Variants in ADGRB3 observed in about 807,000 individuals in gnomAD.
ADGRB3 encodes adhesion G protein-coupled receptor B3, also known as brain-specific angiogenesis inhibitor 3.
ADGRB3 carries 37 observed loss-of-function variants against 193.4 expected under a neutral mutation model. The ratio of observed to expected loss-of-function variants is 0.19; its 90% confidence interval spans 0.15 to 0.25. The LOEUF is 0.25. Among genes scored for constraint, ADGRB3 ranks in the 10% least tolerant of loss-of-function variants. The pLI is 1.00. For synonymous variants in ADGRB3, 690 were observed against 644.2 expected, an observed-to-expected ratio of 1.07 and a Z score of -1.08; for missense variants, 1,637 against 1,852.9, an observed-to-expected ratio of 0.88 and a Z score of 2.14.
At chr6:68,933,102 TATA>T (rs1767388234) in intron 4 of ADGRB3, among the ~76,000 whole-genome samples, 1 of 150,634 alleles carries the variant, frequency 6.6e-6, no homozygotes. Context: ...AATGATATCA[TATA>T]ATATATATAT....
At chr6:68,919,351 C>A (rs1014766464) in intron 3 of ADGRB3, among the ~76,000 whole-genome samples, 1 of 152,136 alleles carries the variant, frequency 6.6e-6, no homozygotes, top group Non-Finnish European at 1.5e-5. Context: ...AAATGTACAG[C>A]AAGGAGTAGG....
At chr6:68,767,492 C>A (rs1054212978) in intron 3 of ADGRB3, among the ~76,000 whole-genome samples, 1 of 152,100 alleles carries the variant, frequency 6.6e-6, no homozygotes, top group Non-Finnish European at 1.5e-5. Context: ...ATTCAACACC[C>A]CTTCATGCTA....
At chr6:69,236,215 T>C (rs1470184036) in intron 19 of ADGRB3, among the ~76,000 whole-genome samples, 1 of 152,040 alleles carries the variant, frequency 6.6e-6, no homozygotes, top group Non-Finnish European at 1.5e-5. Flanking sequence ...AATTGTCACA[T>C]ATTTAAATTG....
At chr6:68,975,010 G>T (rs1394145478) in intron 9 of ADGRB3, 146 bp downstream of exon 9, 1 of 755,444 alleles carries the variant, frequency 1.3e-6, no homozygotes, top group Non-Finnish European at 2.1e-6. Flanking sequence ...TTAGTAAAGT[G>T]CTTCATAAAT....
chr6:68,657,562 T>C (rs1768520674), intron 3 of ADGRB3, among the ~76,000 whole-genome samples: 1 of 151,380 alleles, frequency 6.6e-6, no homozygotes, highest in Admixed American at 6.6e-5. Context: ...AGAGGACAAA[T>C]GTGATCAAGC....
At chr6:68,778,260 T>C (rs887645979) in intron 3 of ADGRB3, among the ~76,000 whole-genome samples, 2 of 152,224 alleles carry the variant, frequency 1.3e-5, no homozygotes, top group Non-Finnish European at 2.9e-5. Flanking sequence ...TGGTGAAGGC[T>C]GCTATAAGTG....
intron 17 of ADGRB3, among the ~76,000 whole-genome samples, chr6:69,228,498 T>C (rs1002978522): frequency 2.0e-5 from 3 of 152,146 alleles, no homozygotes; most frequent in Non-Finnish European, 4.4e-5. Context: ...AAGATCTAAG[T>C]TTAGAGAATT....
chr6:69,172,295 C>T (rs1363093815), intron 17 of ADGRB3, among the ~76,000 whole-genome samples: 2 of 151,978 alleles, frequency 1.3e-5, no homozygotes, highest in Non-Finnish European at 2.9e-5. Flanking sequence ...CCAATACAGA[C>T]GAGATCCCTG....
chr6:68,949,102 A>C (rs1312670289), intron 6 of ADGRB3, among the ~76,000 whole-genome samples: 1 of 152,166 alleles, frequency 6.6e-6, no homozygotes, highest in Non-Finnish European at 1.5e-5. Context: ...TTAATGATTT[A>C]TATGAATATA....
At chr6:69,031,550 T>TCTC (rs1554248813) in intron 13 of ADGRB3, among the ~76,000 whole-genome samples, 4 of 70,132 alleles carry the variant, frequency 5.7e-5, no homozygotes, top group African/African-American at 2.0e-4. Flanking sequence ...TCTTTCTTTC[T>TCTC]TTTTCTTTCT....
At chr6:69,257,133 A>G (rs1183012689) in intron 20 of ADGRB3, among the ~76,000 whole-genome samples, 1 of 152,130 alleles carries the variant, frequency 6.6e-6, no homozygotes, top group Non-Finnish European at 1.5e-5. Context: ...TTTTGCATCA[A>G]TGTTCATCAA....
chr6:68,741,618 G>A (rs1765984168), intron 3 of ADGRB3, among the ~76,000 whole-genome samples: 1 of 152,148 alleles, frequency 6.6e-6, no homozygotes, highest in South Asian at 2.1e-4. Context: ...AAACTCCTGA[G>A]CTCAAGTGAT....
At chr6:68,701,653 A>T (rs992329741) in intron 3 of ADGRB3, among the ~76,000 whole-genome samples, 4 of 152,038 alleles carry the variant, frequency 2.6e-5, no homozygotes, top group African/African-American at 9.7e-5. Flanking sequence ...ATTAAATCTC[A>T]TTTTTTGCCA....
chr6:68,927,090 C>T (rs541899823), intron 3 of ADGRB3, among the ~76,000 whole-genome samples: 2 of 152,150 alleles, frequency 1.3e-5, no homozygotes, highest in South Asian at 4.1e-4. Context: ...GTTATTTACC[C>T]ACCACTTCAT....
At chr6:69,170,444 T>C (rs151045676) in intron 17 of ADGRB3, among the ~76,000 whole-genome samples, 312 of 152,318 alleles carry the variant, frequency 2.0e-3, no homozygotes, top group African/African-American at 7.2e-3. Flanking sequence ...TTTCAGCCTT[T>C]CTTCTAGAAT....
chr6:69,388,852 T>C lies in ADGRB3; in HGVS notation c.4530T>C (p.Pro1510=). The part of the protein sequence containing the change: ...PAEWEKCLNL[P]LDVQEGDFQT... ...AGTGGGAGAAGTGTCTGAATTTGCC[T>C]CTGGATGTGCAAGAGGGTGACTTTC... The change falls in exon 32 of 32, where the codon CCT becomes CCC. Residue 1510 remains proline, a synonymous_variant. Coordinates refer to ENST00000370598, the MANE Select transcript of ADGRB3 (RefSeq NM_001704.3). The C allele has an allele frequency of 6.2e-7, 1 of 1,613,244 alleles. No homozygotes were observed.
Position 69,332,412 on chromosome 6 carries a change from C to A in ADGRB3, c.3103-511C>A, listed in dbSNP as rs926864446. The A allele has an allele frequency of 1.7e-5, 17 of 985,268 alleles. No individual in the cohort carries two copies. The African/African-American group carries it at 2.8e-4, about 16-fold the overall frequency. The allele number at this position is 985,268 out of a possible 1,614,324, so 61.0% of individuals were successfully genotyped here. A position where few individuals can be genotyped will look rare whatever the true frequency, so the allele number is the denominator to read the frequency against. On this transcript the variant is annotated intron_variant, in intron 23 of 31. Transcript: ENST00000370598. Reference sequence around the variant, plus strand: ...TAGAAAAGCATGGTACATCAAAATGCTCCCCTTCCACAGAAAAGAATAACC... The same window carrying A: ...TAGAAAAGCATGGTACATCAAAATGATCCCCTTCCACAGAAAAGAATAACC...
chr6:69,280,956 T>C lies in ADGRB3; in HGVS notation c.2814+41730T>C, dbSNP rs192224779. ...CATTAGGATCTGCTTTCTATCAAAC[T>C]AAAATGTCCTAGTAACCAGTCTTTC... On this transcript the variant is annotated intron_variant, in intron 20 of 31. Transcript: ENST00000370598. 1.3e-3 allele frequency among the ~76,000 whole-genome samples: 192 copies of C among 152,330 alleles called. 1 individual carries two copies. The highest frequency in any genetic ancestry group is 2.1e-3 in the Non-Finnish European group (144 of 68,024).
chr6:68,913,897 C>T (rs1766797005), intron 3 of ADGRB3, among the ~76,000 whole-genome samples: 1 of 151,836 alleles, frequency 6.6e-6, no homozygotes, highest in African/African-American at 2.4e-5. Flanking sequence ...GTGAAGAATG[C>T]AGAAGCCTCA....
Sources: gnomAD v4.1 joint callset for allele counts (sites outside exome capture counted in the v4.1 genomes callset) on GRCh38, gnomAD v4.1.1 for gene constraint, MANE v1.5 for transcripts, NCBI Gene and HGNC (gene_info 2026-07-23, HGNC 2026-07-21) for gene names.